Variants in PRKG1 observed in about 807,000 individuals in gnomAD.
PRKG1 encodes cGMP-dependent protein kinase 1.
A neutral mutation model predicts 88.1 loss-of-function variants in PRKG1; 35 were observed. The observed-to-expected ratio is 0.40, with a 90% CI of 0.30 to 0.53. The LOEUF (loss-of-function observed/expected upper bound fraction) is 0.53. Ranked by LOEUF, PRKG1 falls within the 20% of genes least tolerant of loss-of-function variation. The pLI is 0.59. For missense variants in PRKG1, 540 were observed against 839.8 expected (o/e 0.64, Z 4.41); for synonymous variants, 303 against 292.5 (o/e 1.04, Z -0.37).
At chr10:51,656,751 CA>C (rs1355943404) in intron 3 of PRKG1, among the ~76,000 whole-genome samples, 1 of 152,098 alleles carries the variant, frequency 6.6e-6, no homozygotes, top group Non-Finnish European at 1.5e-5. Flanking sequence ...GAGTAGTATT[CA>C]TTTTCCTTCC....
At chr10:51,487,957 C>T (rs191993738) in intron 3 of PRKG1, among the ~76,000 whole-genome samples, 31 of 152,212 alleles carry the variant, frequency 2.0e-4, no homozygotes, top group African/African-American at 7.2e-4. Flanking sequence ...AATAGACAAT[C>T]AGCTTTTAAG....
chr10:51,155,553 A>G (rs1485000211), intron 2 of PRKG1, among the ~76,000 whole-genome samples: 2 of 151,962 alleles, frequency 1.3e-5, no homozygotes, highest in Admixed American at 1.3e-4. Context: ...CAGAGCTCAA[A>G]CTGTTAACTA....
chr10:51,879,577 A>G (rs1049200845), intron 4 of PRKG1, among the ~76,000 whole-genome samples: 1 of 152,246 alleles, frequency 6.6e-6, no homozygotes, highest in Non-Finnish European at 1.5e-5. Context: ...CTGTAAGTCT[A>G]CATCTCTCTC....
chr10:52,244,244 A>C (rs541557518), intron 9 of PRKG1, among the ~76,000 whole-genome samples: 206 of 152,128 alleles, frequency 1.4e-3, no homozygotes, highest in African/African-American at 4.8e-3. Context: ...TACTTTAGAA[A>C]ATTTTTTAAT....
chr10:51,604,970 G>T (rs1321837062), intron 3 of PRKG1, among the ~76,000 whole-genome samples: 1 of 152,222 alleles, frequency 6.6e-6, no homozygotes, highest in African/African-American at 2.4e-5. Flanking sequence ...ACCACATATG[G>T]GCTGGAAGGT....
chr10:51,305,903 A>G (rs998734798), intron 2 of PRKG1, among the ~76,000 whole-genome samples: 10 of 152,196 alleles, frequency 6.6e-5, no homozygotes, highest in African/African-American at 2.4e-4. Flanking sequence ...CCACAGAGGA[A>G]TAAGAGGTTG....
intron 3 of PRKG1, among the ~76,000 whole-genome samples, chr10:51,601,813 C>G (rs1017541932): frequency 1.1e-4 from 12 of 113,686 alleles, no homozygotes; most frequent in South Asian, 6.2e-4. Context: ...TTTGGGTGAT[C>G]TAATCTGATC....
chr10:52,012,623 G>C (rs1844921528), intron 5 of PRKG1, among the ~76,000 whole-genome samples: 1 of 152,094 alleles, frequency 6.6e-6, no homozygotes, highest in African/African-American at 2.4e-5. Context: ...CTGACCTCAA[G>C]TGATTTACCC....
At chr10:51,733,370 A>T (rs922923423) in intron 3 of PRKG1, among the ~76,000 whole-genome samples, 7 of 152,160 alleles carry the variant, frequency 4.6e-5, no homozygotes, top group Non-Finnish European at 2.9e-5. Flanking sequence ...GGGGTGGTTG[A>T]TACAGTTTTC....
intron 1 of PRKG1, among the ~76,000 whole-genome samples, chr10:51,086,970 A>G (rs1844269246): frequency 6.6e-6 from 1 of 152,228 alleles, no homozygotes; most frequent in Non-Finnish European, 1.5e-5. Context: ...GATTCTCTGC[A>G]AGATGGTCTT....
intron 3 of PRKG1, among the ~76,000 whole-genome samples, chr10:51,480,025 G>A (rs1840310436): frequency 6.6e-6 from 1 of 151,780 alleles, no homozygotes. Flanking sequence ...ATTAAATGTT[G>A]GCAAGCTTGA....
At position 52,175,669 on chromosome 10, in the gene PRKG1, C is replaced by T. The variant is rs191967626; in HGVS notation, c.1076+13706C>T. Among the ~76,000 whole-genome samples the T allele has an allele frequency of 1.8e-3, 269 of 152,108 alleles. 3 individuals are homozygous for T. Among genetic ancestry groups the T allele is most frequent in the African/African-American group, 6.2e-3 (259 of 41,534 alleles). ...CTCACAACCATTTGTTATTTTTTGTCTTTTTGATAAAAGCTATTCTAACTG... is the reference window on the plus strand; with the variant it reads ...CTCACAACCATTTGTTATTTTTTGTTTTTTTGATAAAAGCTATTCTAACTG... On this transcript the variant is annotated intron_variant, in intron 9 of 17. Transcript: ENST00000373980.
intron 5 of PRKG1, among the ~76,000 whole-genome samples, chr10:52,000,019 T>C (rs1360099218): frequency 1.3e-5 from 2 of 152,082 alleles, no homozygotes; most frequent in South Asian, 4.1e-4. Flanking sequence ...ATTATAACCC[T>C]TTCTGATTTT....
intron 11 of PRKG1, 77 bp downstream of exon 11, chr10:52,271,566 C>T (rs1332150262): frequency 4.0e-6 from 6 of 1,512,482 alleles, no homozygotes; most frequent in Non-Finnish European, 5.4e-6. Flanking sequence ...GCCACTTGTG[C>T]TCACTGTTAA....
chr10:52,047,407 T>C (rs1402370034), intron 5 of PRKG1, among the ~76,000 whole-genome samples: 1 of 152,118 alleles, frequency 6.6e-6, no homozygotes, highest in East Asian at 1.9e-4. Context: ...GTGGTGACCA[T>C]GGATTGGAGA....
intron 9 of PRKG1, among the ~76,000 whole-genome samples, chr10:52,239,956 C>G (rs1231620512): frequency 6.6e-6 from 1 of 152,154 alleles, no homozygotes; most frequent in East Asian, 1.9e-4. Context: ...ATATACAAAT[C>G]CTGCTCAATG....
At chr10:51,012,890 C>A (rs1339741958) in intron 1 of PRKG1, among the ~76,000 whole-genome samples, 1 of 152,082 alleles carries the variant, frequency 6.6e-6, no homozygotes, top group Non-Finnish European at 1.5e-5. Context: ...AAACTGAGAC[C>A]TAAAAGATGA....
chr10:52,127,420 G>A (rs1260537046), intron 7 of PRKG1, among the ~76,000 whole-genome samples: 5 of 152,108 alleles, frequency 3.3e-5, no homozygotes, highest in Non-Finnish European at 5.9e-5. Context: ...AATAGTTGAC[G>A]TCATAGTGTT....
chr10:51,413,102 G>T (rs1181927902), intron 2 of PRKG1, among the ~76,000 whole-genome samples: 2 of 152,196 alleles, frequency 1.3e-5, no homozygotes, highest in African/African-American at 2.4e-5. Flanking sequence ...TGTGAGAAAT[G>T]TTAAGATTGT....
Sources: gnomAD v4.1 joint callset for allele counts (sites outside exome capture counted in the v4.1 genomes callset) on GRCh38, gnomAD v4.1.1 for gene constraint, MANE v1.5 for transcripts, NCBI Gene and HGNC (gene_info 2026-07-23, HGNC 2026-07-21) for gene names.